The following PREX2 variants were observed in gnomAD, a reference collection of about 807,000 sequenced individuals.
PREX2 encodes phosphatidylinositol-3,4,5-trisphosphate dependent Rac exchange factor 2.
A neutral mutation model predicts 203.2 loss-of-function variants in PREX2; 107 were observed. That is an observed-to-expected ratio of 0.53 (90% CI 0.45 to 0.62). The LOEUF is 0.62. Ranked by LOEUF, PREX2 falls within the 20% of genes least tolerant of loss-of-function variation. The probability of loss-of-function intolerance (pLI) is 0.00; values close to 1 mark genes in which losing one functional copy is unlikely to be tolerated. For missense variants in PREX2, 1,777 were observed against 1,955.9 expected (o/e 0.91, Z 1.72); for synonymous variants, 672 against 663.6 (o/e 1.01, Z -0.19).
chr8:68,080,080 A>G (rs893675130), intron 15 of PREX2, among the ~76,000 whole-genome samples: 6 of 152,226 alleles, frequency 3.9e-5, no homozygotes, highest in African/African-American at 1.4e-4. Context: ...TGAAAACACC[A>G]TAAATTTCTA....
intron 4 of PREX2, among the ~76,000 whole-genome samples, chr8:68,025,488 T>A (rs1419282349): frequency 6.6e-6 from 1 of 152,160 alleles, no homozygotes; most frequent in Non-Finnish European, 1.5e-5. Flanking sequence ...TGTGTGGGGA[T>A]GATTGTACAT....
At chr8:68,199,528 A>G (rs1016191391) in intron 37 of PREX2, among the ~76,000 whole-genome samples, 2 of 152,236 alleles carry the variant, frequency 1.3e-5, no homozygotes, top group Admixed American at 6.5e-5. Context: ...CAGGACCTAA[A>G]ATATGATTAT....
chr8:67,953,027 T>A (rs1805396651), intron 1 of PREX2, among the ~76,000 whole-genome samples: 1 of 152,166 alleles, frequency 6.6e-6, no homozygotes. Flanking sequence ...TCAGATAACA[T>A]GGCAGTGGCC....
intron 33 of PREX2, among the ~76,000 whole-genome samples, chr8:68,141,922 G>T (rs1427354115): frequency 6.6e-6 from 1 of 151,958 alleles, no homozygotes; most frequent in African/African-American, 2.4e-5. Flanking sequence ...CAAATAAAAG[G>T]CAACAATTTT....
intron 6 of PREX2, among the ~76,000 whole-genome samples, chr8:68,037,443 C>T (rs1483025854): frequency 6.6e-6 from 1 of 152,138 alleles, no homozygotes; most frequent in Non-Finnish European, 1.5e-5. Flanking sequence ...ATACTCGTGT[C>T]CAACTCAGGG....
At chr8:68,069,690 A>G (rs1809136045) in intron 12 of PREX2, 145 bp from the exon 13 acceptor site, 1 of 445,368 alleles carries the variant, frequency 2.2e-6, no homozygotes, top group Non-Finnish European at 4.0e-6. Flanking sequence ...ATGATATATC[A>G]TGATATTTGA....
chr8:68,054,654 C>A (rs1286706508), intron 9 of PREX2, among the ~76,000 whole-genome samples: 1 of 152,194 alleles, frequency 6.6e-6, no homozygotes, highest in African/African-American at 2.4e-5. Flanking sequence ...TTTTCTCTAA[C>A]TAGATTCCTT....
At chr8:68,079,162 A>G (rs1809439085) in intron 15 of PREX2, among the ~76,000 whole-genome samples, 1 of 152,200 alleles carries the variant, frequency 6.6e-6, no homozygotes, top group Admixed American at 6.5e-5. Context: ...CTCTACAGAA[A>G]TTTAAAATAG....
At chr8:68,200,808 TG>T (rs1563585016) in intron 37 of PREX2, among the ~76,000 whole-genome samples, 1 of 152,182 alleles carries the variant, frequency 6.6e-6, no homozygotes, top group Non-Finnish European at 1.5e-5. Flanking sequence ...AAACAGGCCT[TG>T]CTTTTGGTGC....
rs146727359 is a variant in PREX2, at chr8:68,056,984, C to G, written c.1238+1010C>G. ...CAGCGATGGGAACACACAACATAAT[C>G]ATAGGCTACCTCTGCCTCCCTCATA... On this transcript the variant is annotated intron_variant, in intron 10 of 39. Coordinates refer to ENST00000288368, the MANE Select transcript of PREX2 (RefSeq NM_024870.4). Among the ~76,000 whole-genome samples the G allele has an allele frequency of 6.9e-3, 1,043 of 152,232 alleles. 10 individuals carry two copies. The highest frequency in any genetic ancestry group is 0.024 in the African/African-American group (990 of 41,532).
chr8:68,090,688 C>T lies in PREX2; in HGVS notation c.2223C>T (p.Ala741=), dbSNP rs1179080525. The T allele has an allele frequency of 1.2e-6, 2 of 1,613,834 alleles. No homozygotes were observed. The highest frequency in any genetic ancestry group is 2.2e-5 in the East Asian group (1 of 44,872). ...THASVIAHVT[A]CRKYRRPTKQ... Reference sequence around the variant, plus strand: ...CCAGTGTCATTGCACACGTTACAGCCTGCAGGAAGTACAGGCGGCCAACGA... The same window carrying T: ...CCAGTGTCATTGCACACGTTACAGCTTGCAGGAAGTACAGGCGGCCAACGA... Residue 741 remains alanine, a synonymous_variant, in exon 20 of 40, where the codon GCC becomes GCT. Transcript: ENST00000288368.
rs2129612934 is a variant in PREX2, at chr8:68,114,406, T to G, written c.3147-1347T>G. The G allele has an allele frequency of 8.9e-6, 4 of 450,964 alleles. No homozygotes were observed. In the Middle Eastern group the frequency reaches 1.0e-3, roughly 112 times the overall value. The allele number at this position is 450,964 out of a possible 1,614,324, so 27.9% of individuals were successfully genotyped here. On this transcript the variant is annotated intron_variant, in intron 25 of 39. Transcript: ENST00000288368. The stretch of plus-strand genomic sequence containing the variant: ...ATTGGAACTGAAAATCACAGGTATT[T>G]AGTAAATGCGAAGATGGCTGCTGGC...
intron 1 of PREX2, among the ~76,000 whole-genome samples, chr8:67,953,024 A>G (rs1805396588): frequency 6.6e-6 from 1 of 152,266 alleles, no homozygotes; most frequent in South Asian, 2.1e-4. Context: ...TACTCAGATA[A>G]CATGGCAGTG....
chr8:68,125,591 T>C (rs544741526), intron 30 of PREX2, among the ~76,000 whole-genome samples: 1 of 152,240 alleles, frequency 6.6e-6, no homozygotes, highest in Non-Finnish European at 1.5e-5. Context: ...CCTAAGACGA[T>C]GCCTATCTCC....
intron 37 of PREX2, among the ~76,000 whole-genome samples, chr8:68,208,785 C>T (rs113534807): frequency 0.027 from 4,105 of 152,092 alleles, 188 homozygotes; most frequent in African/African-American, 0.093. Context: ...CAGTGTCTTG[C>T]ATCTGTCAAA....
chr8:67,962,616 T>A (rs7814523), intron 1 of PREX2, among the ~76,000 whole-genome samples: 10 of 144,114 alleles, frequency 6.9e-5, no homozygotes, highest in South Asian at 2.2e-4. Context: ...TTTTTTTTTT[T>A]ATTTTTTTGA....
intron 1 of PREX2, among the ~76,000 whole-genome samples, chr8:68,010,107 A>G (rs1487993555): frequency 6.6e-6 from 1 of 152,240 alleles, no homozygotes; most frequent in African/African-American, 2.4e-5. Context: ...TTGATCCTCA[A>G]TAAACTTTTT....
At chr8:68,009,666 G>C (rs962118408) in intron 1 of PREX2, among the ~76,000 whole-genome samples, 1 of 152,100 alleles carries the variant, frequency 6.6e-6, no homozygotes, top group African/African-American at 2.4e-5. Context: ...GTCTTTCTTT[G>C]TTGTAATTCT....
rs755013538 is a variant in PREX2 at position 68,030,509 on chromosome 8, C to T, written c.556C>T (p.Arg186Trp). The T allele has an allele frequency of 6.2e-6, 10 of 1,612,596 alleles. No homozygotes were observed. Among genetic ancestry groups the T allele is most frequent in the African/African-American group, 1.3e-5 (1 of 74,838 alleles). The change falls in exon 6 of 40, where the codon CGG becomes TGG. Residue 186 changes from arginine (R) to tryptophan (W), a missense_variant. Arg to Trp is a moderately radical substitution (Grantham distance 101, BLOSUM62 -3). Coordinates refer to ENST00000288368, the MANE Select transcript of PREX2 (RefSeq NM_024870.4). ...YPLILKELLK[R>W]TPRKHSDYAA... Reference sequence around the variant, plus strand: ...TGTGTATAAACAGGAGTTGCTGAAGCGGACTCCACGGAAACACAGTGACTA... The same window carrying T: ...TGTGTATAAACAGGAGTTGCTGAAGTGGACTCCACGGAAACACAGTGACTA...
Sources: gnomAD v4.1 joint callset for allele counts (sites outside exome capture counted in the v4.1 genomes callset) on GRCh38, gnomAD v4.1.1 for gene constraint, MANE v1.5 for transcripts, NCBI Gene and HGNC (gene_info 2026-07-23, HGNC 2026-07-21) for gene names.